SLC10A7: variants seen among roughly 807,000 people sequenced by gnomAD.
SLC10A7 encodes the protein solute carrier family 10 member 7.
In SLC10A7, 29 loss-of-function variants were observed where a neutral mutation model predicts 43.2. The ratio of observed to expected loss-of-function variants is 0.67; its 90% CI spans 0.50 to 0.92. SLC10A7 has a LOEUF of 0.92. Ranked by LOEUF, SLC10A7 falls within the 40% of genes least tolerant of loss-of-function variation. SLC10A7 has a pLI of 0.00. For synonymous variants in SLC10A7, 152 were observed against 144.8 expected (o/e 1.05, Z -0.35); for missense variants, 295 against 403.2 (o/e 0.73, Z 2.30).
intron 1 of SLC10A7, among the ~76,000 whole-genome samples, chr4:146,519,066 CATATATATATATATATATATAT>C (rs869090267): frequency 3.2e-3 from 19 of 5,986 alleles, no homozygotes; most frequent in South Asian, 0.012. Flanking sequence ...GAAAAATCAC[CATATATATATATATATATATAT>C]ATATATATAT....
chr4:146,487,201 C>A (rs1460984148), intron 4 of SLC10A7, among the ~76,000 whole-genome samples: 1 of 152,140 alleles, frequency 6.6e-6, no homozygotes, highest in African/African-American at 2.4e-5. Context: ...ATGTGAAAAC[C>A]TATTACTTCC....
chr4:146,362,649 TAAC>T (rs1736126282), intron 5 of SLC10A7, among the ~76,000 whole-genome samples: 1 of 151,842 alleles, frequency 6.6e-6, no homozygotes, highest in Non-Finnish European at 1.5e-5. Flanking sequence ...ATAAAAATAA[TAAC>T]TACAACAATT....
intron 5 of SLC10A7, among the ~76,000 whole-genome samples, chr4:146,407,339 G>C (rs1463275112): frequency 1.3e-5 from 2 of 152,134 alleles, no homozygotes; most frequent in Admixed American, 1.3e-4. Context: ...ACGGACACAT[G>C]CAATATTTCT....
intron 4 of SLC10A7, among the ~76,000 whole-genome samples, chr4:146,472,873 A>G (rs1733696737): frequency 6.6e-6 from 1 of 152,164 alleles, no homozygotes; most frequent in African/African-American, 2.4e-5. Flanking sequence ...TTAACTTTTT[A>G]AAGTCTAGTT....
intron 2 of SLC10A7, chr4:146,513,884 A>G (rs1187723836): frequency 1.3e-5 from 2 of 152,272 alleles, no homozygotes; most frequent in Admixed American, 6.5e-5. Context: ...TGCCATCATG[A>G]ATAATCAAAA....
chr4:146,334,894 T>A (rs1279641387), intron 5 of SLC10A7, among the ~76,000 whole-genome samples: 1 of 151,972 alleles, frequency 6.6e-6, no homozygotes. Flanking sequence ...GAGGGGAAGA[T>A]GGGTGCAGAG....
intron 5 of SLC10A7, among the ~76,000 whole-genome samples, chr4:146,360,816 C>T (rs921903357): frequency 6.6e-6 from 1 of 152,008 alleles, no homozygotes; most frequent in Admixed American, 6.6e-5. Flanking sequence ...TTCCCAAGTT[C>T]GTTTAGCAAG....
intron 5 of SLC10A7, among the ~76,000 whole-genome samples, chr4:146,399,599 G>A (rs1739081514): frequency 6.6e-6 from 1 of 152,164 alleles, no homozygotes; most frequent in African/African-American, 2.4e-5. Flanking sequence ...TAGTGAAGAT[G>A]AAGAGAAGTT....
At chr4:146,450,104 CA>C (rs1246000997) in intron 4 of SLC10A7, among the ~76,000 whole-genome samples, 3 of 151,916 alleles carry the variant, frequency 2.0e-5, no homozygotes, top group South Asian at 4.1e-4. Context: ...CTAAAACAAA[CA>C]AACAAACAAA....
intron 5 of SLC10A7, among the ~76,000 whole-genome samples, chr4:146,385,544 G>A (rs1342544927): frequency 6.6e-6 from 1 of 151,938 alleles, no homozygotes; most frequent in East Asian, 1.9e-4. Context: ...GATTACAGAT[G>A]TTTCTCATAC....
At chr4:146,343,401 A>G (rs1734403602) in intron 5 of SLC10A7, among the ~76,000 whole-genome samples, 1 of 152,076 alleles carries the variant, frequency 6.6e-6, no homozygotes, top group African/African-American at 2.4e-5. Flanking sequence ...TGGGCCACTC[A>G]TCTGTGACCT....
chr4:146,302,510 A>C (rs1191693937), intron 7 of SLC10A7, among the ~76,000 whole-genome samples: 1 of 152,278 alleles, frequency 6.6e-6, no homozygotes, highest in Non-Finnish European at 1.5e-5. Context: ...AGAAAGGTCA[A>C]GAAAGAAATC....
chr4:146,259,592 C>T (rs1245140210), intron 10 of SLC10A7, among the ~76,000 whole-genome samples: 2 of 152,140 alleles, frequency 1.3e-5, no homozygotes, highest in African/African-American at 4.8e-5. Flanking sequence ...CAGAGTGAGA[C>T]CCTGTCTCGA....
intron 5 of SLC10A7, among the ~76,000 whole-genome samples, chr4:146,375,846 G>A (rs569513587): frequency 5.9e-5 from 9 of 152,116 alleles, no homozygotes; most frequent in South Asian, 2.1e-4. Context: ...AGATAGTGTC[G>A]GATCCCACAG....
chr4:146,294,826 G>T (rs1730671155), intron 7 of SLC10A7, among the ~76,000 whole-genome samples: 1 of 152,114 alleles, frequency 6.6e-6, no homozygotes, highest in African/African-American at 2.4e-5. Context: ...TTAAAATCAG[G>T]TCATCTGAAT....
chr4:146,323,540 T>A (rs578157777), intron 6 of SLC10A7, among the ~76,000 whole-genome samples: 1 of 152,334 alleles, frequency 6.6e-6, no homozygotes, highest in African/African-American at 2.4e-5. Context: ...TGGTTGCAGA[T>A]GTGTGGTATT....
chr4:146,470,414 A>G (rs893612112), intron 4 of SLC10A7, among the ~76,000 whole-genome samples: 1 of 151,630 alleles, frequency 6.6e-6, no homozygotes, highest in African/African-American at 2.4e-5. Context: ...AAATATATAC[A>G]CATGCCATAC....
intron 6 of SLC10A7, among the ~76,000 whole-genome samples, chr4:146,316,916 C>CT (rs1440566011): frequency 1.3e-5 from 2 of 152,024 alleles, no homozygotes; most frequent in East Asian, 3.9e-4. Flanking sequence ...TTGCTTGGCT[C>CT]TTTACAGTTT....
chr4:146,275,415 T>G (rs1377654472), intron 10 of SLC10A7, among the ~76,000 whole-genome samples: 1 of 152,166 alleles, frequency 6.6e-6, no homozygotes. Context: ...AGCACAGGGC[T>G]CTTTCTGCAG....
Sources: gnomAD v4.1 joint callset for allele counts (sites outside exome capture counted in the v4.1 genomes callset) on GRCh38, gnomAD v4.1.1 for gene constraint, MANE v1.5 for transcripts, NCBI Gene and HGNC (gene_info 2026-07-23, HGNC 2026-07-21) for gene names.